The following PCNX2 variants were observed in gnomAD, a reference collection of about 807,000 sequenced individuals.
PCNX2 encodes the protein pecanex-like protein 2.
A neutral mutation model predicts 223.8 loss-of-function variants in PCNX2; 168 were observed. The ratio of observed to expected loss-of-function variants is 0.75; its 90% CI spans 0.66 to 0.85. The LOEUF (loss-of-function observed/expected upper bound fraction) is 0.85. Ranked by LOEUF, PCNX2 falls within the 40% of genes least tolerant of loss-of-function variation. The pLI is 0.00. For missense variants in PCNX2, 2,507 were observed against 2,675.5 expected, an observed-to-expected ratio of 0.94 and a Z score of 1.39; for synonymous variants, 1,006 against 1,052.6, an observed-to-expected ratio of 0.96 and a Z score of 0.86.
chr1:233,111,224 C>G (rs565560337), intron 21 of PCNX2, among the ~76,000 whole-genome samples: 7 of 152,216 alleles, frequency 4.6e-5, no homozygotes, highest in Non-Finnish European at 8.8e-5. Flanking sequence ...GGTTTCAGTC[C>G]ACTGAGCCTC....
chr1:233,153,686 G>T (rs906584910), intron 19 of PCNX2, among the ~76,000 whole-genome samples: 1 of 152,238 alleles, frequency 6.6e-6, no homozygotes, highest in East Asian at 1.9e-4. Flanking sequence ...AGCAGAACAC[G>T]CACATGATCA....
intron 32 of PCNX2, 41 bp from the exon 33 acceptor site, chr1:232,986,581 C>A (rs1187114343): frequency 6.9e-7 from 1 of 1,453,558 alleles, no homozygotes; most frequent in South Asian, 1.4e-5. Context: ...GCGGGTGGGT[C>A]ATGAACATCG....
intron 22 of PCNX2, among the ~76,000 whole-genome samples, chr1:233,094,625 T>G (rs1674055125): frequency 6.6e-6 from 1 of 152,186 alleles, no homozygotes; most frequent in Non-Finnish European, 1.5e-5. Context: ...ATATTATCAC[T>G]CAAGGATTAT....
In PCNX2 at chr1:233,169,700, TAC is replaced by T. The variant is rs749437342; in HGVS notation, c.3273+8100_3273+8101del. ...CCATAAATTGCATATAATAAGTATGTACAGTTTAATAATTATAAAGTGAACAC... is the reference window on the plus strand; with the variant it reads ...CCATAAATTGCATATAATAAGTATGTAGTTTAATAATTATAAAGTGAACAC... On this transcript the variant is annotated intron_variant, in intron 17 of 33. Coordinates refer to ENST00000258229, the MANE Select transcript of PCNX2 (RefSeq NM_014801.4). 4.0e-5 allele frequency among the ~76,000 whole-genome samples: 6 copies of T among 151,684 alleles called. No individual in the cohort carries two copies. In the East Asian group the frequency reaches 7.8e-4, roughly 20 times the overall value.
chr1:233,035,274 T>C (rs988738499), intron 25 of PCNX2, among the ~76,000 whole-genome samples: 3 of 152,218 alleles, frequency 2.0e-5, no homozygotes, highest in East Asian at 1.9e-4. Context: ...GTAACTGATA[T>C]GAGTACTTTG....
intron 25 of PCNX2, among the ~76,000 whole-genome samples, chr1:233,034,176 C>T (rs540342517): frequency 2.0e-5 from 3 of 152,276 alleles, no homozygotes; most frequent in East Asian, 1.9e-4. Flanking sequence ...CGTGCCGCTG[C>T]CCTCCAGCCT....
intron 1 of PCNX2, among the ~76,000 whole-genome samples, chr1:233,264,011 T>C (rs1014576484): frequency 1.3e-5 from 2 of 152,150 alleles, no homozygotes; most frequent in Non-Finnish European, 2.9e-5. Flanking sequence ...AAAAGGGTAC[T>C]ACTTCCAAAA....
intron 1 of PCNX2, among the ~76,000 whole-genome samples, chr1:233,265,818 G>A (rs1660301782): frequency 6.6e-6 from 1 of 152,196 alleles, no homozygotes; most frequent in Non-Finnish European, 1.5e-5. Flanking sequence ...AGAAGAGTAA[G>A]AGATAAAAAA....
rs1361014570 is a variant in PCNX2 at position 233,209,665 on chromosome 1, CT to C, written c.2692-977del. ...AGAAATCGTCCTATTCTAAGACCAT[CT>C]TTTAAGAGGAAGGAAAACACAGTCT... On this transcript the variant is annotated intron_variant, in intron 12 of 33. Coordinates refer to ENST00000258229, the MANE Select transcript of PCNX2 (RefSeq NM_014801.4). Among the ~76,000 whole-genome samples the C allele has an allele frequency of 2.0e-5, 3 of 152,194 alleles. No homozygotes were observed. In the East Asian group the frequency reaches 5.8e-4, roughly 29 times the overall value.
intron 15 of PCNX2, chr1:233,181,199 C>CTT (rs555797913): frequency 0.012 from 1,669 of 135,620 alleles, 24 homozygotes; most frequent in South Asian, 0.03. Flanking sequence ...AAGTTGCTGA[C>CTT]TTTTTTTTTT....
chr1:233,037,432 G>A (rs998588147), intron 25 of PCNX2, among the ~76,000 whole-genome samples: 1 of 152,210 alleles, frequency 6.6e-6, no homozygotes, highest in Non-Finnish European at 1.5e-5. Flanking sequence ...CTGGGTTAAA[G>A]TCATTCTCCC....
In PCNX2 at chr1:233,227,370, T is replaced by A; in HGVS notation, c.2360A>T (p.His787Leu). ...ARRTQSETPR[H>L]VSQDLEASSC... ...CGAGGCTTCCAGATCCTGACTCACA[T>A]GCTTTTAGATACCAAAAGAAACAAC... The change falls in exon 10 of 34, where the codon CAT becomes CTT. Residue 787 changes from histidine to leucine, a missense_variant and splice_region_variant. Physicochemically the swap from His to Leu is moderately conservative, Grantham distance 99. Around this residue, in one of 3 missense-constraint regions of PCNX2, gnomAD observed 1,031 missense variants for 1,021.7 expected, o/e 1.01. Transcript: ENST00000258229. The A allele has an allele frequency of 6.2e-7, 1 of 1,610,648 alleles. No individual in the cohort carries two copies. The highest frequency in any genetic ancestry group is 2.2e-5 in the East Asian group (1 of 44,780).
chr1:233,244,888 G>A (rs1219114165), intron 8 of PCNX2, among the ~76,000 whole-genome samples: 1 of 152,166 alleles, frequency 6.6e-6, no homozygotes, highest in Non-Finnish European at 1.5e-5. Context: ...CATTGATCTG[G>A]CAAACTGCTA....
chr1:233,014,866 T>C, intron 27 of PCNX2, 89 bp from the exon 28 acceptor site: 1 of 1,035,226 alleles, frequency 9.7e-7, no homozygotes, highest in Non-Finnish European at 1.5e-6. Flanking sequence ...ATTGGCTTTG[T>C]AAGTCAGCCA....
At chr1:233,278,204 G>A (rs1450958375) in intron 1 of PCNX2, among the ~76,000 whole-genome samples, 1 of 152,206 alleles carries the variant, frequency 6.6e-6, no homozygotes, top group African/African-American at 2.4e-5. Flanking sequence ...CTTGGCTGCA[G>A]CAAGCATGTT....
chr1:233,056,629 A>T (rs1414394478), intron 24 of PCNX2, among the ~76,000 whole-genome samples: 1 of 152,252 alleles, frequency 6.6e-6, no homozygotes, highest in Non-Finnish European at 1.5e-5. Flanking sequence ...ATAGATAATG[A>T]GCACGATACA....
chr1:233,177,127 T>G (rs1005390501), intron 17 of PCNX2, among the ~76,000 whole-genome samples: 4 of 152,202 alleles, frequency 2.6e-5, no homozygotes, highest in African/African-American at 9.7e-5. Flanking sequence ...AGAAGCAAAA[T>G]TTATTCAAAG....
chr1:233,315,350 A>G, the PCNX2 span, among the ~76,000 whole-genome samples: 11,066 of 152,314 alleles, frequency 0.073, 447 homozygotes, highest in Non-Finnish European at 0.088. Context: ...CATTAACAAA[A>G]TAAATGATTG....
intron 23 of PCNX2, chr1:233,058,665 CTTT>C (rs771648037): frequency 3.3e-5 from 4 of 119,794 alleles, no homozygotes; most frequent in Admixed American, 8.7e-5. Context: ...CTTTTCTTTT[CTTT>C]TTTTTTTTTT....
Sources: allele counts gnomAD v4.1 joint callset (sites outside exome capture counted in the v4.1 genomes callset), GRCh38; gene constraint gnomAD v4.1.1; regional missense constraint gnomAD v4.1.1; transcripts MANE v1.5; gene names NCBI Gene and HGNC (gene_info 2026-07-23, HGNC 2026-07-21).